The following PELI1 variants were observed in gnomAD, a reference collection of about 807,000 sequenced individuals.
The protein encoded by PELI1 is E3 ubiquitin-protein ligase pellino homolog 1.
In PELI1, 15 loss-of-function variants were observed where a neutral mutation model predicts 41.3. The observed-to-expected ratio is 0.36, with a 90% CI of 0.24 to 0.56. PELI1 has a LOEUF of 0.56. Among genes scored for constraint, PELI1 ranks in the 20% least tolerant of loss-of-function variants. The probability of loss-of-function intolerance (pLI) is 0.82; values close to 1 mark genes in which losing one functional copy is unlikely to be tolerated. For missense variants in PELI1, 403 were observed against 525.5 expected, an observed-to-expected ratio of 0.77 and a Z score of 2.28; for synonymous variants, 178 against 180.1, an observed-to-expected ratio of 0.99 and a Z score of 0.09.
chr2:64,117,402 C>T (rs1252696814), intron 1 of PELI1, among the ~76,000 whole-genome samples: 1 of 151,672 alleles, frequency 6.6e-6, no homozygotes, highest in African/African-American at 2.4e-5. Flanking sequence ...AATCAAAGAC[C>T]TCAAGAAACA....
At chr2:64,133,899 G>A (rs1681637579) in intron 1 of PELI1, among the ~76,000 whole-genome samples, 1 of 152,016 alleles carries the variant, frequency 6.6e-6, no homozygotes, top group Non-Finnish European at 1.5e-5. Context: ...GATTTAAAAT[G>A]AAGCCCACAA....
chr2:64,099,634 G>A (rs1208831610), intron 4 of PELI1, among the ~76,000 whole-genome samples: 2 of 152,082 alleles, frequency 1.3e-5, no homozygotes, highest in Non-Finnish European at 1.5e-5. Flanking sequence ...TATTTGCCTT[G>A]TAAAATAAAG....
rs1558474688 is a variant in PELI1, at chr2:64,104,698, T to A, written c.201+3A>T. ...TTATGTAGCTTTTTTTTTTTTTTTT[T>A]ACCTTTGCAGCCTGAGGAGTACAAG... On this transcript the variant is annotated splice_donor_region_variant and intron_variant, in intron 3 of 6. Coordinates refer to ENST00000358912, the MANE Select transcript of PELI1 (RefSeq NM_020651.4). 2.0e-6 allele frequency: 3 copies of A among 1,536,206 alleles called. No homozygotes were observed. Among genetic ancestry groups the A allele is most frequent in the South Asian group, 1.3e-5 (1 of 78,608 alleles).
At position 64,142,625 on chromosome 2, in the gene PELI1, T is replaced by C. The variant is rs188086040; in HGVS notation, c.-70+1456A>G. On this transcript the variant is annotated intron_variant, in intron 1 of 6. Coordinates refer to ENST00000358912, the MANE Select transcript of PELI1 (RefSeq NM_020651.4). ...ACAAGGAATTCATATGCTGTATTTG[T>C]ACACTAAGAACAATGTTTTGAGACA... Among the ~76,000 whole-genome samples the C allele has an allele frequency of 1.4e-3, 219 of 152,334 alleles. 1 individual carries two copies. The highest frequency in any genetic ancestry group is 4.9e-3 in the African/African-American group (202 of 41,584).
chr2:64,094,534 C>A lies in PELI1; in HGVS notation c.*168G>T. On this transcript the variant is annotated 3_prime_UTR_variant, in exon 7 of 7. Coordinates refer to ENST00000358912, the MANE Select transcript of PELI1 (RefSeq NM_020651.4). ...TCAGAAATTCCTTTGCTTGAGTTTC[C>A]CAGATTTTTGCTCAGAAATTGCTAC... 2.0e-6 allele frequency: 1 copy of A among 503,932 alleles called. No homozygotes were observed. The highest frequency in any genetic ancestry group is 3.8e-5 in the South Asian group (1 of 26,170). 31.2% of individuals were successfully genotyped at this position (503,932 alleles called of 1,614,324 possible). A position where few individuals can be genotyped will look rare whatever the true frequency, so the allele number is the denominator to read the frequency against.
intron 4 of PELI1, among the ~76,000 whole-genome samples, chr2:64,098,468 CT>C (rs2103666254): frequency 6.6e-6 from 1 of 152,292 alleles, no homozygotes; most frequent in South Asian, 2.1e-4. Context: ...TTCTTTGCTT[CT>C]TTGCCATCTC....
intron 1 of PELI1, among the ~76,000 whole-genome samples, chr2:64,120,239 T>C (rs1681162073): frequency 6.6e-6 from 1 of 152,198 alleles, no homozygotes; most frequent in South Asian, 2.1e-4. Flanking sequence ...CACTTGTAAA[T>C]TCCATTCTAG....
At chr2:64,101,644 T>C (rs1212323246) in intron 3 of PELI1, among the ~76,000 whole-genome samples, 1 of 152,126 alleles carries the variant, frequency 6.6e-6, no homozygotes, top group African/African-American at 2.4e-5. Context: ...ATCATAAGCT[T>C]TTACTTGGTT....
chr2:64,131,025 T>G (rs1375339291), intron 1 of PELI1, among the ~76,000 whole-genome samples: 1 of 152,166 alleles, frequency 6.6e-6, no homozygotes, highest in African/African-American at 2.4e-5. Flanking sequence ...ACATAAAGAC[T>G]CTGTTGTTAC....
In PELI1 at chr2:64,100,609, A is replaced by G; in HGVS notation, c.202-110T>C. The G allele has an allele frequency of 9.9e-6, 7 of 706,664 alleles. No homozygotes were observed. The South Asian group carries it at 1.1e-4, about 11-fold the overall frequency. 43.8% of individuals were successfully genotyped at this position (706,664 alleles called of 1,614,324 possible). A position where few individuals can be genotyped will look rare whatever the true frequency, so the allele number is the denominator to read the frequency against. ...TTTATCAAATACATGACATATTTAT[A>G]CATTTTCCCCCTGAAATTTAGAGAG... On this transcript the variant is annotated intron_variant, in intron 3 of 6. Transcript: ENST00000358912.
chr2:64,125,743 T>C lies in PELI1; in HGVS notation c.-69-17364A>G, dbSNP rs796586700. On this transcript the variant is annotated intron_variant, in intron 1 of 6. Transcript: ENST00000358912. ...TGATGATATCCCTTCACCACAGAAG[T>C]ACCTAGATTAGTACAGGTTGAACAA... 3.9e-5 allele frequency among the ~76,000 whole-genome samples: 6 copies of C among 152,336 alleles called. 1 individual carries two copies. Among genetic ancestry groups the C allele is most frequent in the African/African-American group, 1.4e-4 (6 of 41,584 alleles).
At chr2:64,127,027 T>C (rs1681411677) in intron 1 of PELI1, among the ~76,000 whole-genome samples, 2 of 152,148 alleles carry the variant, frequency 1.3e-5, no homozygotes, top group African/African-American at 2.4e-5. Flanking sequence ...AGTATGACAA[T>C]TATTAACTCC....
intron 2 of PELI1, among the ~76,000 whole-genome samples, chr2:64,106,773 A>G (rs1167785220): frequency 6.6e-6 from 1 of 152,092 alleles, no homozygotes; most frequent in African/African-American, 2.4e-5. Flanking sequence ...AAGCTCAGTA[A>G]CTCCATATGA....
rs192912947 is a variant in PELI1, at chr2:64,137,491, G to A, written c.-70+6590C>T. Among the ~76,000 whole-genome samples the A allele has an allele frequency of 1.9e-3, 287 of 152,222 alleles. 2 individuals carry two copies. The highest frequency in any genetic ancestry group is 6.5e-3 in the African/African-American group (271 of 41,548). ...ATTGTATATGATCTTGTATGTGTGTGTGTGTGTGCGCATTTTGTGAGACCT... is the reference window on the plus strand; with the variant it reads ...ATTGTATATGATCTTGTATGTGTGTATGTGTGTGCGCATTTTGTGAGACCT... On this transcript the variant is annotated intron_variant, in intron 1 of 6. Coordinates refer to ENST00000358912, the MANE Select transcript of PELI1 (RefSeq NM_020651.4).
chr2:64,126,437 C>T (rs572984240), intron 1 of PELI1, among the ~76,000 whole-genome samples: 1 of 152,198 alleles, frequency 6.6e-6, no homozygotes, highest in Non-Finnish European at 1.5e-5. Flanking sequence ...GCTGGGATTA[C>T]AGGCATGAGC....
chr2:64,107,506 AG>A (rs757763644), intron 2 of PELI1, among the ~76,000 whole-genome samples: 4 of 152,172 alleles, frequency 2.6e-5, no homozygotes, highest in Non-Finnish European at 4.4e-5. Flanking sequence ...TACAGCACAA[AG>A]CAATAACTAC....
At chr2:64,107,338 A>G (rs1680654524) in intron 2 of PELI1, among the ~76,000 whole-genome samples, 1 of 152,228 alleles carries the variant, frequency 6.6e-6, no homozygotes, top group Non-Finnish European at 1.5e-5. Flanking sequence ...AATTGAAATA[A>G]TTTGGAATAA....
intron 1 of PELI1, among the ~76,000 whole-genome samples, chr2:64,112,765 C>A (rs7587919): frequency 0.015 from 2,308 of 152,188 alleles, 55 homozygotes; most frequent in African/African-American, 0.052. Flanking sequence ...GGCATATAAT[C>A]AATCAATATA....
intron 1 of PELI1, among the ~76,000 whole-genome samples, chr2:64,130,333 A>C (rs986853928): frequency 6.6e-6 from 1 of 152,212 alleles, no homozygotes; most frequent in African/African-American, 2.4e-5. Flanking sequence ...AAAAAAATGA[A>C]ACTGAATATG....
Sources: gnomAD v4.1 joint callset for allele counts (sites outside exome capture counted in the v4.1 genomes callset) on GRCh38, gnomAD v4.1.1 for gene constraint, MANE v1.5 for transcripts, NCBI Gene and HGNC (gene_info 2026-07-23, HGNC 2026-07-21) for gene names.